The following IPCEF1 variants were observed in gnomAD, a reference collection of about 807,000 sequenced individuals.
IPCEF1 encodes the protein interactor protein for cytohesin exchange factors 1.
IPCEF1 carries 31 observed loss-of-function variants against 50.9 expected under a neutral mutation model. The ratio of observed to expected loss-of-function variants is 0.61; its 90% CI spans 0.46 to 0.82. The LOEUF is 0.82. Among genes scored for constraint, IPCEF1 ranks in the 40% least tolerant of loss-of-function variants. The pLI is 0.00. For missense variants in IPCEF1, 458 were observed against 514.0 expected, an observed-to-expected ratio of 0.89 and a Z score of 1.05; for synonymous variants, 181 against 192.0, an observed-to-expected ratio of 0.94 and a Z score of 0.47.
intron 9 of IPCEF1, among the ~76,000 whole-genome samples, chr6:154,200,948 G>A (rs1248966805): frequency 1.3e-5 from 2 of 152,176 alleles, no homozygotes; most frequent in African/African-American, 4.8e-5. Context: ...GGAGGGACCT[G>A]ATGGGAGGTG....
intron 1 of IPCEF1, among the ~76,000 whole-genome samples, chr6:154,293,107 C>T (rs1173024232): frequency 6.6e-6 from 1 of 152,146 alleles, no homozygotes; most frequent in Non-Finnish European, 1.5e-5. Context: ...AGTTAAGAAT[C>T]AAGTCAAGAA....
intron 5 of IPCEF1, among the ~76,000 whole-genome samples, chr6:154,229,818 C>G (rs2128625135): frequency 6.6e-6 from 1 of 152,316 alleles, no homozygotes; most frequent in East Asian, 1.9e-4. Flanking sequence ...CTGGAAACAA[C>G]CTAAATGTCC....
chr6:154,328,081 AG>A (rs1272525547), intron 1 of IPCEF1, among the ~76,000 whole-genome samples: 1 of 152,078 alleles, frequency 6.6e-6, no homozygotes, highest in African/African-American at 2.4e-5. Flanking sequence ...TGGTTGGGGG[AG>A]GGGGAGCATC....
At chr6:154,319,007 C>G (rs1453633715) in intron 1 of IPCEF1, among the ~76,000 whole-genome samples, 1 of 152,104 alleles carries the variant, frequency 6.6e-6, no homozygotes, top group Non-Finnish European at 1.5e-5. Context: ...AGCTATGATT[C>G]CATAGTAATT....
chr6:154,175,136 C>T (rs935940523), intron 10 of IPCEF1, among the ~76,000 whole-genome samples: 3 of 152,170 alleles, frequency 2.0e-5, no homozygotes, highest in African/African-American at 7.2e-5. Context: ...AGAACAAAGA[C>T]ACAACGTACC....
At chr6:154,338,213 G>C (rs1426415949) in intron 1 of IPCEF1, among the ~76,000 whole-genome samples, 25 of 152,216 alleles carry the variant, frequency 1.6e-4, no homozygotes, top group Admixed American at 1.4e-3. Context: ...CCTTGCACTT[G>C]GGTGGGTTGG....
intron 1 of IPCEF1, among the ~76,000 whole-genome samples, chr6:154,318,654 AGTGAGCCG>A (rs1783289683): frequency 6.7e-6 from 1 of 148,180 alleles, no homozygotes; most frequent in East Asian, 2.0e-4. Context: ...GAGAGGCTGC[AGTGAGCCG>A]AGATCACACC....
chr6:154,286,069 C>T (rs932987672), intron 2 of IPCEF1, among the ~76,000 whole-genome samples: 1 of 152,100 alleles, frequency 6.6e-6, no homozygotes, highest in East Asian at 1.9e-4. Flanking sequence ...CTGTGGAGAG[C>T]TCAAAATAAT....
At chr6:154,291,514 G>A (rs1012809039) in intron 1 of IPCEF1, among the ~76,000 whole-genome samples, 2 of 151,862 alleles carry the variant, frequency 1.3e-5, no homozygotes, top group Admixed American at 1.3e-4. Context: ...CCCAAATTAT[G>A]ACACTTTTCC....
chr6:154,257,177 TC>T (rs1200647492), intron 3 of IPCEF1, among the ~76,000 whole-genome samples: 1 of 152,148 alleles, frequency 6.6e-6, no homozygotes, highest in East Asian at 1.9e-4. Context: ...ATCTCCTTCC[TC>T]CCAGGGCCCA....
chr6:154,199,582 C>A (rs1327199382), intron 10 of IPCEF1, 86 bp downstream of exon 10: 5 of 1,385,598 alleles, frequency 3.6e-6, no homozygotes, highest in Non-Finnish European at 4.9e-6. Context: ...ATGAGTTTAA[C>A]CATTCTTGTT....
chr6:154,266,393 AT>A (rs1004583835), intron 2 of IPCEF1, among the ~76,000 whole-genome samples: 23 of 151,858 alleles, frequency 1.5e-4, no homozygotes, highest in African/African-American at 2.7e-4. Flanking sequence ...TCTTAAAAAA[AT>A]TTTTTTTAAT....
Position 154,295,867 on chromosome 6 carries a change from G to GCA in IPCEF1, c.-61-6113_-61-6112dup, listed in dbSNP as rs59302680. Among the ~76,000 whole-genome samples the GCA allele has an allele frequency of 2.0e-3, 301 of 148,000 alleles. 1 individual carries two copies. Among genetic ancestry groups the GCA allele is most frequent in the South Asian group, 2.8e-3 (13 of 4,684 alleles). ...CTGCCTGTCACACACATGTGCACAC[G>GCA]CACACACACACACACACACACATGC... On this transcript the variant is annotated intron_variant, in intron 1 of 11. Transcript: ENST00000367220.
At chr6:154,294,318 A>T (rs1266035834) in intron 1 of IPCEF1, among the ~76,000 whole-genome samples, 1 of 152,198 alleles carries the variant, frequency 6.6e-6, no homozygotes. Flanking sequence ...TTATTATATC[A>T]TGTAAAATCA....
At chr6:154,278,722 A>AAT (rs145576400) in intron 2 of IPCEF1, among the ~76,000 whole-genome samples, 4,495 of 151,304 alleles carry the variant, frequency 0.03, 213 homozygotes, top group African/African-American at 0.1. Context: ...CAATGGTAAA[A>AAT]ATATATATAT....
chr6:154,241,234 C>CA (rs11308882), intron 5 of IPCEF1, among the ~76,000 whole-genome samples: 3,350 of 78,886 alleles, frequency 0.042, 155 homozygotes, highest in African/African-American at 0.12. Flanking sequence ...GACTCCATCT[C>CA]AAAAAAAAAA....
chr6:154,262,792 T>G (rs1205244242), intron 3 of IPCEF1, among the ~76,000 whole-genome samples: 2 of 96,964 alleles, frequency 2.1e-5, no homozygotes, highest in Non-Finnish European at 4.8e-5. Flanking sequence ...TTTTTTTTTT[T>G]TTTGAGACAG....
At chr6:154,208,197 G>A (rs762018205) in intron 9 of IPCEF1, among the ~76,000 whole-genome samples, 2 of 122,060 alleles carry the variant, frequency 1.6e-5, no homozygotes, top group Non-Finnish European at 3.7e-5. Context: ...CTACCACTAT[G>A]CTTTGGCTTC....
intron 5 of IPCEF1, among the ~76,000 whole-genome samples, chr6:154,228,207 T>C (rs1013443807): frequency 6.6e-6 from 1 of 152,052 alleles, no homozygotes; most frequent in Admixed American, 6.6e-5. Context: ...GGCTCACGCC[T>C]GTAATCCCAG....
Sources: allele counts gnomAD v4.1 joint callset (sites outside exome capture counted in the v4.1 genomes callset), GRCh38; gene constraint gnomAD v4.1.1; transcripts MANE v1.5; gene names NCBI Gene and HGNC (gene_info 2026-07-23, HGNC 2026-07-21).